KIF22: variants seen among roughly 807,000 people sequenced by gnomAD.
The protein encoded by KIF22 is kinesin-like protein KIF22.
A neutral mutation model predicts 73.0 loss-of-function variants in KIF22; 62 were observed. The observed-to-expected ratio is 0.85, with a 90% confidence interval of 0.69 to 1.05. The LOEUF is 1.05. KIF22 is among the 50% of genes least tolerant of loss of function. The pLI is 0.00. For synonymous variants in KIF22, 411 were observed against 340.1 expected (o/e 1.21, Z -2.29); for missense variants, 854 against 870.1 (o/e 0.98, Z 0.23).
rs373330722 is a variant in KIF22 at position 29,799,279 on chromosome 16, C to T, written c.775C>T (p.Arg259Cys). Residue 259 changes from arginine to cysteine, a missense_variant, in exon 6 of 14, where the codon CGT becomes TGT. Physicochemically the swap from Arg to Cys is radical, Grantham distance 180. This residue lies in a region of KIF22 where 245 missense variants were observed against 351.8 expected (regional missense o/e 0.70). Transcript: ENST00000160827. ...TTACCCCCAGGTGGACCAGCGGGAA[C>T]GTTTGGCCCCATTTCGCCAGCGAGA... ...VLLVKVDQRE[R>C]LAPFRQREGK... 11 of 1,613,714 alleles carry T rather than the reference C, an allele frequency of 6.8e-6. No homozygotes were observed. Among genetic ancestry groups the T allele is most frequent in the African/African-American group, 1.3e-5 (1 of 74,916 alleles).
At chr16:29,804,608 TG>T (rs1420421537) in intron 11 of KIF22, 3 of 696,574 alleles carry the variant, frequency 4.3e-6, no homozygotes, top group Non-Finnish European at 7.9e-6. Flanking sequence ...ATATTACCAC[TG>T]GGTACTGAGT....
intron 1 of KIF22, among the ~76,000 whole-genome samples, chr16:29,791,715 A>T (rs1898822292): frequency 6.6e-6 from 1 of 152,230 alleles, no homozygotes; most frequent in Admixed American, 6.5e-5. Flanking sequence ...TTACACAGGA[A>T]ACTGAGGTTA....
rs935926058 is a variant in KIF22, at chr16:29,805,169, C to A, written c.1945C>A (p.Leu649Met). ...AACGGGGAAACAGATGGAGTCCTTC[C>A]TGAAGGTGAAGTCACGGCCCTGCCC... ...GITGKQMESF[L>M]KANILGLAAG... The change falls in exon 13 of 14, where the codon CTG becomes ATG. Residue 649 changes from leucine (L) to methionine (M), a missense_variant. Coordinates refer to ENST00000160827, the MANE Select transcript of KIF22 (RefSeq NM_007317.3). The A allele has an allele frequency of 6.2e-7, 1 of 1,614,118 alleles. No individual in the cohort carries two copies. The highest frequency in any genetic ancestry group is 1.7e-5 in the Admixed American group (1 of 60,030).
chr16:29,802,890 CG>C lies in KIF22; in HGVS notation c.1404del (p.Met469TrpfsTer3). 6.2e-7 allele frequency: 1 copy of C among 1,612,022 alleles called. No homozygotes were observed. The highest frequency in any genetic ancestry group is 8.5e-7 in the Non-Finnish European group (1 of 1,179,280). ...TCTGTTGAGTACCCCAAAGCGAGAG[CG>C]GATGGTGCTAATGAAGACAGTGGAA... Reference protein sequence around the residue: ...APLLSTPKRERMVLMKTVEEK... With the variant: ...APLLSTPKREXMVLMKTVEEK... On this transcript the variant is annotated frameshift_variant, in exon 9 of 14. Transcript: ENST00000160827. LOFTEE classifies it high-confidence loss of function.
In KIF22 at chr16:29,790,776, C is replaced by G. The variant is rs368873294; in HGVS notation, c.17C>G (p.Ser6Trp). The G allele has an allele frequency of 8.8e-6, 14 of 1,599,298 alleles. No individual in the cohort carries two copies. The highest frequency in any genetic ancestry group is 8.0e-5 in the African/African-American group (6 of 74,740). ...GGGAGTGGAATGGCCGCGGGCGGCT[C>G]GACGCAGCAGAGGCGACGCGAGATG... MAAGG[S>W]TQQRRREMAA... The change falls in exon 1 of 14, where the codon TCG becomes TGG. Residue 6 changes from serine (S) to tryptophan (W), a missense_variant. Physicochemically the swap from Ser to Trp is radical, Grantham distance 177. Coordinates refer to ENST00000160827, the MANE Select transcript of KIF22 (RefSeq NM_007317.3).
Position 29,805,002 on chromosome 16 carries a change from G to C in KIF22, c.1866G>C (p.Arg622=). The C allele has an allele frequency of 6.2e-7, 1 of 1,610,256 alleles. No individual in the cohort carries two copies. The highest frequency in any genetic ancestry group is 1.7e-4 in the Middle Eastern group (1 of 6,040). The change falls in exon 12 of 14, where the codon CGG becomes CGC. Residue 622 remains arginine, a synonymous_variant. Coordinates refer to ENST00000160827, the MANE Select transcript of KIF22 (RefSeq NM_007317.3). Reference sequence around the variant, plus strand: ...AGGCCCAGCTAATCGTGGGCTGGCGGGAGCTCCACGGCCCCTTCAGCCAGG... The same window carrying C: ...AGGCCCAGCTAATCGTGGGCTGGCGCGAGCTCCACGGCCCCTTCAGCCAGG... ...PKKAQLIVGW[R]ELHGPFSQVE...
At chr16:29,796,197 G>A (rs1376015978) in intron 1 of KIF22, among the ~76,000 whole-genome samples, 2 of 151,034 alleles carry the variant, frequency 1.3e-5, no homozygotes, top group African/African-American at 4.9e-5. Context: ...CTTGAACCTG[G>A]GAGGTGGAGG....
At chr16:29,800,175 C>A in intron 8 of KIF22, 127 bp downstream of exon 8, 8 of 1,176,332 alleles carry the variant, frequency 6.8e-6, no homozygotes, top group Non-Finnish European at 9.3e-6. Flanking sequence ...TCACCCTAGG[C>A]CGGATGCGGT....
Position 29,804,833 on chromosome 16 carries a change from T to C in KIF22, c.1697T>C (p.Leu566Pro). Residue 566 changes from leucine (L) to proline (P), a missense_variant, in exon 12 of 14, where the codon CTA (leucine) becomes CCA (proline). This residue lies in a region of KIF22 where 423 missense variants were observed against 365.4 expected (regional missense o/e 1.16). Coordinates refer to ENST00000160827, the MANE Select transcript of KIF22 (RefSeq NM_007317.3). ...TCCCAGCTGGAGTCCCTGGATGCCC[T>C]AGAGCCTGAGGAGAAGGCTGAGGAC... is the stretch of plus-strand genomic sequence containing the variant. ...RKRKLESLDA[L>P]EPEEKAEDCW... 4 of 1,611,872 alleles carry C rather than the reference T, an allele frequency of 2.5e-6. No homozygotes were observed. The highest frequency in any genetic ancestry group is 1.7e-6 in the Non-Finnish European group (2 of 1,179,162).
chr16:29,796,926 C>G lies in KIF22; in HGVS notation c.104C>G (p.Ala35Gly). 1 of 1,614,150 alleles carries G rather than the reference C, an allele frequency of 6.2e-7. No homozygotes were observed. Among genetic ancestry groups the G allele is most frequent in the African/African-American group, 1.3e-5 (1 of 75,044 alleles). ...AGRCRLSKIG[A>G]TRRPPPARVR... is the part of the protein sequence containing the mutation. ...CGCTGTCGGCTAAGCAAGATTGGAG[C>G]TACTCGTCGTCCACCTCCAGCTCGC... is the stretch of plus-strand genomic sequence containing the variant. The change falls in exon 2 of 14, where the codon GCT becomes GGT. Residue 35 changes from alanine to glycine, a missense_variant. Physicochemically the swap from Ala to Gly is moderately conservative, Grantham distance 60. This residue lies in a region of KIF22 where 186 missense variants were observed against 152.9 expected (regional missense o/e 1.22). Coordinates refer to ENST00000160827, the MANE Select transcript of KIF22 (RefSeq NM_007317.3).
Position 29,804,806 on chromosome 16 carries a change from C to G in KIF22, c.1678-8C>G, listed in dbSNP as rs1486209121. On this transcript the variant is annotated splice_polypyrimidine_tract_variant and splice_region_variant and intron_variant, in intron 11 of 13. Coordinates refer to ENST00000160827, the MANE Select transcript of KIF22 (RefSeq NM_007317.3). ...CCTGCGTGTCACTCATCTCCCTTTG[C>G]CTCCCAGCTGGAGTCCCTGGATGCC... The G allele has an allele frequency of 6.3e-7, 1 of 1,594,640 alleles. No individual in the cohort carries two copies. The highest frequency in any genetic ancestry group is 1.1e-5 in the South Asian group (1 of 88,854).
chr16:29,791,084 G>A (rs926704876), intron 1 of KIF22: 4 of 1,368,704 alleles, frequency 2.9e-6, no homozygotes, highest in Non-Finnish European at 3.8e-6. Context: ...CTTGAACCCC[G>A]CGCACTTTTT....
chr16:29,804,646 A>G (rs536615576), intron 11 of KIF22, 168 bp from the exon 12 acceptor site: 46 of 704,134 alleles, frequency 6.5e-5, no homozygotes, highest in African/African-American at 5.1e-4. Flanking sequence ...TAGTTGCATA[A>G]TAAGAATTAA....
Position 29,796,894 on chromosome 16 carries a change from A to T in KIF22, c.72A>T (p.Gly24=), listed in dbSNP as rs1898965898. Reference sequence around the variant, plus strand: ...TAAAAGTGATCTTCTCTCCTCCAGGAGCTGGTCGCTGTCGGCTAAGCAAGA... The same window carrying T: ...TAAAAGTGATCTTCTCTCCTCCAGGTGCTGGTCGCTGTCGGCTAAGCAAGA... ...MAAASAAAIS[G]AGRCRLSKIG... Residue 24 remains glycine, a splice_region_variant and synonymous_variant, in exon 2 of 14, where the codon GGA becomes GGT. Transcript: ENST00000160827. 2 of 1,613,804 alleles carry T rather than the reference A, an allele frequency of 1.2e-6. No individual in the cohort carries two copies. The highest frequency in any genetic ancestry group is 2.7e-5 in the African/African-American group (2 of 74,866).
At chr16:29,799,582 G>C in intron 6 of KIF22, 46 bp from the exon 7 acceptor site, 1 of 1,613,066 alleles carries the variant, frequency 6.2e-7, no homozygotes, top group Non-Finnish European at 8.5e-7. Flanking sequence ...TTGAGGCATA[G>C]GAAGGCTGGG....
chr16:29,802,315 C>T (rs1567361091), intron 8 of KIF22, among the ~76,000 whole-genome samples: 2 of 149,306 alleles, frequency 1.3e-5, no homozygotes, highest in African/African-American at 4.9e-5. Context: ...TTACCGTGCT[C>T]AGAGTCAGTC....
intron 7 of KIF22, 50 bp downstream of exon 7, chr16:29,799,831 G>A: frequency 2.5e-6 from 4 of 1,612,822 alleles, no homozygotes; most frequent in East Asian, 2.2e-5. Flanking sequence ...GGAAATTAGG[G>A]AGTTTGTTGA....
chr16:29,804,769 G>A (rs1485656610), intron 11 of KIF22, 45 bp from the exon 12 acceptor site: 47 of 1,490,834 alleles, frequency 3.2e-5, no homozygotes, highest in Non-Finnish European at 3.8e-5. Context: ...GGAGCCCAAA[G>A]CACTTGGCTG....
intron 1 of KIF22, among the ~76,000 whole-genome samples, chr16:29,794,513 A>C (rs1898900706): frequency 6.6e-6 from 1 of 152,142 alleles, no homozygotes; most frequent in Non-Finnish European, 1.5e-5. Context: ...AGGCCATTTT[A>C]CCTTGAATGA....
Sources: gnomAD v4.1 joint callset for allele counts (sites outside exome capture counted in the v4.1 genomes callset) on GRCh38, gnomAD v4.1.1 for gene constraint, gnomAD v4.1.1 regional missense constraint, MANE v1.5 for transcripts, NCBI Gene and HGNC (gene_info 2026-07-23, HGNC 2026-07-21) for gene names.